TENM1: variants seen among roughly 807,000 people sequenced by gnomAD.
TENM1 encodes the protein teneurin-1.
TENM1 carries 35 observed loss-of-function variants against 174.8 expected under a neutral mutation model. The ratio of observed to expected loss-of-function variants is 0.20; its 90% CI spans 0.15 to 0.27. The LOEUF is 0.27. Ranked by LOEUF, TENM1 falls within the 10% of genes least tolerant of loss-of-function variation. TENM1 has a pLI of 1.00. For missense variants in TENM1, 1,633 were observed against 2,130.1 expected, an observed-to-expected ratio of 0.77 and a Z score of 4.59; for synonymous variants, 781 against 798.7, an observed-to-expected ratio of 0.98 and a Z score of 0.37.
At chrX:125,035,778 C>T in the TENM1 span, among the ~76,000 whole-genome samples, 2 of 111,081 alleles carry the variant, frequency 1.8e-5, no homozygotes, top group African/African-American at 6.5e-5. Context: ...TACTTTACTG[C>T]CTTTTATGAG....
At chrX:124,699,426 G>C (rs2052726121) in intron 5 of TENM1, among the ~76,000 whole-genome samples, 1 of 110,910 alleles carries the variant, frequency 9.0e-6, no homozygotes, top group African/African-American at 3.3e-5. Context: ...ACTTAGTAGA[G>C]TGATTGCCTC....
At chrX:124,583,211 G>C (rs1277854756) in intron 11 of TENM1, among the ~76,000 whole-genome samples, 1 of 111,493 alleles carries the variant, frequency 9.0e-6, no homozygotes, top group Admixed American at 9.4e-5. Flanking sequence ...CTGGAGATCT[G>C]AGAACGGGCA....
chrX:124,447,996 G>A (rs189464881), intron 23 of TENM1, among the ~76,000 whole-genome samples: 6 of 111,161 alleles, frequency 5.4e-5, no homozygotes, highest in East Asian at 2.8e-4. Context: ...GCACCTCAAC[G>A]TACCCCAAAC....
chrX:124,567,980 T>C (rs1478599015), intron 11 of TENM1, among the ~76,000 whole-genome samples: 1 of 111,947 alleles, frequency 8.9e-6, no homozygotes, highest in East Asian at 2.8e-4. Flanking sequence ...CATAGAGGAG[T>C]ATAACATTCT....
At chrX:125,131,767 T>C in the TENM1 span, among the ~76,000 whole-genome samples, 402 of 112,252 alleles carry the variant, frequency 3.6e-3, 3 homozygotes, top group African/African-American at 0.012. Context: ...AGAAGCTAGC[T>C]TTCTTGTACA....
intron 30 of TENM1, 35 bp downstream of exon 33, chrX:124,383,599 C>CA: frequency 7.0e-6 from 8 of 1,149,386 alleles, no homozygotes; most frequent in Non-Finnish European, 9.4e-6. Flanking sequence ...CTGAGTTACT[C>CA]AAGTTTAGCT....
intron 15 of TENM1, among the ~76,000 whole-genome samples, chrX:124,536,508 T>C (rs949142306): frequency 2.7e-5 from 3 of 111,374 alleles, no homozygotes; most frequent in African/African-American, 9.8e-5. Context: ...TGGCTAGTGA[T>C]GTTTCAAGTA....
chrX:124,455,911 C>G (rs1343859963), intron 22 of TENM1, among the ~76,000 whole-genome samples: 2 of 111,716 alleles, frequency 1.8e-5, no homozygotes, highest in African/African-American at 6.5e-5. Context: ...ATGGGAAGGT[C>G]TTTACATGTC....
At chrX:124,632,625 C>G (rs944922656) in intron 11 of TENM1, among the ~76,000 whole-genome samples, 1 of 110,774 alleles carries the variant, frequency 9.0e-6, no homozygotes, top group Non-Finnish European at 1.9e-5. Context: ...TGGAACAGTC[C>G]TGTAGGTATT....
chrX:125,178,659 A>G, the TENM1 span, among the ~76,000 whole-genome samples: 1 of 111,975 alleles, frequency 8.9e-6, no homozygotes, highest in Non-Finnish European at 1.9e-5. Flanking sequence ...TAAGGAAGTA[A>G]CGTAGAGAAA....
At chrX:125,016,884 G>A in the TENM1 span, among the ~76,000 whole-genome samples, 4 of 111,338 alleles carry the variant, frequency 3.6e-5, no homozygotes, top group African/African-American at 1.3e-4. Context: ...CAATGGAACA[G>A]AACAGAGGCC....
chrX:124,779,745 T>C (rs2054865379), intron 3 of TENM1, among the ~76,000 whole-genome samples: 1 of 111,930 alleles, frequency 8.9e-6, no homozygotes, highest in Admixed American at 9.5e-5. Flanking sequence ...GCAGTAGCAA[T>C]TCCCACTCTT....
intron 11 of TENM1, among the ~76,000 whole-genome samples, chrX:124,596,534 AC>A (rs1004218157): frequency 8.9e-6 from 1 of 112,415 alleles, no homozygotes; most frequent in African/African-American, 3.2e-5. Context: ...GGAGACTGTC[AC>A]AGGGTGACCT....
chrX:124,795,983 C>T (rs2055296719), intron 3 of TENM1, among the ~76,000 whole-genome samples: 1 of 110,919 alleles, frequency 9.0e-6, no homozygotes, highest in Non-Finnish European at 1.9e-5. Context: ...CTATTTTATT[C>T]TAATAATACT....
chrX:125,069,897 T>A, the TENM1 span, among the ~76,000 whole-genome samples: 2 of 111,578 alleles, frequency 1.8e-5, no homozygotes, highest in African/African-American at 6.5e-5. Context: ...TGCATCCACA[T>A]CAATGCCTAT....
chrX:124,501,211 G>T (rs1381703719), intron 19 of TENM1, among the ~76,000 whole-genome samples: 1 of 111,656 alleles, frequency 9.0e-6, no homozygotes, highest in Non-Finnish European at 1.9e-5. Context: ...TTCTTAAAAT[G>T]AATGAATATA....
At chrX:124,783,442 T>A (rs908273386) in intron 3 of TENM1, among the ~76,000 whole-genome samples, 5 of 112,031 alleles carry the variant, frequency 4.5e-5, no homozygotes, top group African/African-American at 1.6e-4. Context: ...GTTATACACA[T>A]ACTCGTTATT....
the TENM1 span, among the ~76,000 whole-genome samples, chrX:125,005,817 A>T: frequency 9.0e-6 from 1 of 111,459 alleles, no homozygotes; most frequent in African/African-American, 3.3e-5. Context: ...GGAAGCTATT[A>T]AGTGACTGTG....
chrX:125,101,925 T>A, the TENM1 span, among the ~76,000 whole-genome samples: 1 of 111,906 alleles, frequency 8.9e-6, no homozygotes, highest in Non-Finnish European at 1.9e-5. Flanking sequence ...TGTTAAGCAG[T>A]GCAGGTTGTA....
Sources: gnomAD v4.1 joint callset for allele counts (sites outside exome capture counted in the v4.1 genomes callset) on GRCh38, gnomAD v4.1.1 for gene constraint, MANE v1.5 for transcripts, NCBI Gene and HGNC (gene_info 2026-07-23, HGNC 2026-07-21) for gene names.